Variants in UVSSA observed in about 807,000 individuals in gnomAD.
The protein encoded by UVSSA is UV-stimulated scaffold protein A.
UVSSA carries 72 observed loss-of-function variants against 73.9 expected under a neutral mutation model. The observed-to-expected ratio is 0.97, with a 90% CI of 0.81 to 1.19. The LOEUF (loss-of-function observed/expected upper bound fraction) is 1.19. Among genes scored for constraint, UVSSA ranks in the 50% most tolerant of loss-of-function variants. UVSSA has a pLI of 0.00. For missense variants in UVSSA, 1,150 were observed against 965.0 expected (o/e 1.19, Z -2.54); for synonymous variants, 454 against 391.3 (o/e 1.16, Z -1.89).
Position 1,361,929 on chromosome 4 carries a change from A to T in UVSSA, c.1177-4391A>T, listed in dbSNP as rs1027566763. The stretch of plus-strand genomic sequence containing the variant: ...AAAAGTGATTTCTTGGGTGAAAAGT[A>T]ATTGAGACCGCGTACCAAGTTAATT... On this transcript the variant is annotated intron_variant, in intron 7 of 13. Coordinates refer to ENST00000389851, the MANE Select transcript of UVSSA (RefSeq NM_020894.4). 4.6e-5 allele frequency among the ~76,000 whole-genome samples: 7 copies of T among 151,992 alleles called. 1 individual carries two copies. Among genetic ancestry groups the T allele is most frequent in the Admixed American group, 3.3e-4 (5 of 15,260 alleles).
Position 1,349,725 on chromosome 4 carries a change from G to A in UVSSA, c.300G>A (p.Pro100=), listed in dbSNP as rs1295396439. Residue 100 remains proline (P), a synonymous_variant, in exon 3 of 14, where the codon CCG becomes CCA. Transcript: ENST00000389851. ...TLGTDPAQPL[P]PPREAAQRLR... The stretch of plus-strand genomic sequence containing the variant: ...GCACAGACCCCGCACAGCCTCTGCC[G>A]CCCCCCAGGGAGGCGGCACAGAGGC... 2.1e-5 allele frequency: 34 copies of A among 1,613,464 alleles called. No individual in the cohort carries two copies. Among genetic ancestry groups the A allele is most frequent in the Non-Finnish European group, 2.2e-5 (26 of 1,179,840 alleles).
rs373195513 is a variant in UVSSA at position 1,349,513 on chromosome 4, C to T, written c.99-11C>T. 7.5e-6 allele frequency: 12 copies of T among 1,609,318 alleles called. No individual in the cohort carries two copies. The highest frequency in any genetic ancestry group is 6.7e-5 in the East Asian group (3 of 44,794). On this transcript the variant is annotated splice_polypyrimidine_tract_variant and intron_variant, in intron 2 of 13. Coordinates refer to ENST00000389851, the MANE Select transcript of UVSSA (RefSeq NM_020894.4). ...GTGGGGCAGTTGGGTCAGGCCAGCT[C>T]GCATCCCCAGGTCTTCAGAGGAGCA...
At chr4:1,363,426 G>C (rs79680037) in intron 7 of UVSSA, among the ~76,000 whole-genome samples, 2,229 of 152,324 alleles carry the variant, frequency 0.015, 65 homozygotes, top group African/African-American at 0.051. Context: ...TTTGATAAAA[G>C]TCCCCGATGA....
chr4:1,348,275 G>A lies in UVSSA; in HGVS notation c.98+86G>A, dbSNP rs1714041918. 3 of 1,028,622 alleles carry A rather than the reference G, an allele frequency of 2.9e-6. No individual in the cohort carries two copies. The African/African-American group carries it at 4.8e-5, about 16-fold the overall frequency. The allele number at this position is 1,028,622 out of a possible 1,614,324, so 63.7% of individuals were successfully genotyped here. A position where few individuals can be genotyped will look rare whatever the true frequency, so the allele number is the denominator to read the frequency against. ...GGCCCTGCCCTCCTGCCCCCACCTG[G>A]GAGAGAACCACCCGAGGGACACACC... On this transcript the variant is annotated intron_variant, in intron 2 of 13. Transcript: ENST00000389851.
chr4:1,385,834 C>T (rs754262514), intron 13 of UVSSA, 34 bp from the exon 14 acceptor site: 14 of 1,612,560 alleles, frequency 8.7e-6, no homozygotes, highest in Non-Finnish European at 1.2e-5. Flanking sequence ...TGGCGGAAGC[C>T]TCCCAGGTCA....
chr4:1,377,804 C>T (rs926885376), intron 10 of UVSSA, among the ~76,000 whole-genome samples: 6 of 152,266 alleles, frequency 3.9e-5, no homozygotes, highest in African/African-American at 1.2e-4. Flanking sequence ...CCTGGTGCAT[C>T]GAGCTCACGG....
chr4:1,355,751 A>G (rs919336928), intron 7 of UVSSA, among the ~76,000 whole-genome samples: 1 of 151,944 alleles, frequency 6.6e-6, no homozygotes, highest in African/African-American at 2.4e-5. Context: ...CACTTCCCTG[A>G]GCAGGGAGCA....
chr4:1,360,536 C>T (rs772143890), intron 7 of UVSSA, among the ~76,000 whole-genome samples: 4 of 152,174 alleles, frequency 2.6e-5, no homozygotes, highest in South Asian at 2.1e-4. Flanking sequence ...AATGTAAGTG[C>T]GCCTGACAAA....
At chr4:1,354,092 T>C (rs543739722) in intron 5 of UVSSA, among the ~76,000 whole-genome samples, 23 of 152,300 alleles carry the variant, frequency 1.5e-4, no homozygotes, top group African/African-American at 5.1e-4. Context: ...AGGTGTCCCT[T>C]CACCAGGGCC....
chr4:1,362,608 G>GC (rs1020225150), intron 7 of UVSSA, among the ~76,000 whole-genome samples: 5 of 152,268 alleles, frequency 3.3e-5, no homozygotes, highest in East Asian at 3.9e-4. Flanking sequence ...CTCGTCCAGA[G>GC]CCCCCCCGCA....
At chr4:1,372,789 G>A (rs1311668496) in intron 8 of UVSSA, among the ~76,000 whole-genome samples, 12 of 61,854 alleles carry the variant, frequency 1.9e-4, no homozygotes, top group African/African-American at 7.0e-4. Flanking sequence ...CACCTCCCGC[G>A]TCCCTGCACT....
downstream of UVSSA, chr4:1,393,017 C>T (rs1246553599): frequency 2.6e-5 from 4 of 152,168 alleles, no homozygotes; most frequent in Admixed American, 1.3e-4. Context: ...TGTCGTTTCT[C>T]GAAATATTTT....
intron 12 of UVSSA, 68 bp downstream of exon 12, chr4:1,381,056 G>A (rs980042089): frequency 4.1e-6 from 6 of 1,472,516 alleles, no homozygotes; most frequent in Non-Finnish European, 5.6e-6. Flanking sequence ...GTGGCCCGGG[G>A]TGTGTCTGCA....
At chr4:1,394,175 T>C in exon 14 of UVSSA, 1 of 457,004 alleles carries the variant, frequency 2.2e-6, no homozygotes, top group East Asian at 4.5e-5. Flanking sequence ...CACACACAGC[T>C]CTGTGCCTGT....
At position 1,353,108 on chromosome 4, in the gene UVSSA, C is replaced by A. The variant is rs143547791; in HGVS notation, c.629C>A (p.Pro210Gln). The A allele has an allele frequency of 1.9e-6, 3 of 1,612,954 alleles. No individual in the cohort carries two copies. The highest frequency in any genetic ancestry group is 2.5e-6 in the Non-Finnish European group (3 of 1,180,014). ...FRLLVPFDFDPNPETESLGMA... is the reference protein window; with the variant it reads ...FRLLVPFDFDQNPETESLGMA... ...CTGCTGGTGCCTTTTGACTTTGACC[C>A]GAACCCGGAGACGGAATCCCTTGGC... Residue 210 changes from proline (P) to glutamine (Q), a missense_variant, in exon 5 of 14, where the codon CCG becomes CAG. Transcript: ENST00000389851.
At chr4:1,355,271 A>G (rs1441628659) in intron 7 of UVSSA, 26 bp downstream of exon 7, 3 of 1,543,846 alleles carry the variant, frequency 1.9e-6, no homozygotes, top group African/African-American at 2.7e-5. Flanking sequence ...GCGAGCGGGA[A>G]GGGGTCCCAG....
chr4:1,379,902 G>T, intron 10 of UVSSA, 145 bp from the exon 11 acceptor site: 2 of 833,846 alleles, frequency 2.4e-6, no homozygotes, highest in South Asian at 1.8e-5. Context: ...AGCCGGGAGT[G>T]ACCGTGTTCT....
At chr4:1,346,468 G>GAA (rs1713697070), upstream of UVSSA, among the ~76,000 whole-genome samples, 1 of 152,216 alleles carries the variant, frequency 6.6e-6, no homozygotes, top group Admixed American at 6.5e-5. Context: ...CCCTGCGTTC[G>GAA]AGGCTGCGGA....
At chr4:1,395,935 G>A (rs1031718553) in exon 14 of UVSSA, 21 of 1,541,430 alleles carry the variant, frequency 1.4e-5, no homozygotes, top group East Asian at 4.5e-5. Flanking sequence ...GGTGCTTTTC[G>A]TATCAGACCT....
Sources: allele counts gnomAD v4.1 joint callset (sites outside exome capture counted in the v4.1 genomes callset), GRCh38; gene constraint gnomAD v4.1.1; transcripts MANE v1.5; gene names NCBI Gene and HGNC (gene_info 2026-07-23, HGNC 2026-07-21).